The following ANTXR1 variants were observed in gnomAD, a reference collection of about 807,000 sequenced individuals.
ANTXR1 encodes the protein anthrax toxin receptor 1.
Under a neutral mutation model 78.1 loss-of-function variants are expected in ANTXR1, and 19 were observed. That is an observed-to-expected ratio of 0.24 (90% confidence interval 0.17 to 0.36). The LOEUF is 0.36. ANTXR1 is among the 10% of genes least tolerant of loss of function. The pLI, the probability that ANTXR1 is intolerant of heterozygous loss-of-function variation, is 1.00. For missense variants in ANTXR1, 518 were observed against 718.6 expected (o/e 0.72, Z 3.19); for synonymous variants, 273 against 260.5 (o/e 1.05, Z -0.46).
chr2:69,090,513 A>G, intron 8 of ANTXR1: 1 of 358,116 alleles, frequency 2.8e-6, no homozygotes, highest in East Asian at 6.6e-5. Flanking sequence ...AGGAGTGGCC[A>G]TTGGCATTTA....
At chr2:69,134,933 AT>A (rs528470440) in intron 12 of ANTXR1, 113 of 307,702 alleles carry the variant, frequency 3.7e-4, no homozygotes, top group South Asian at 8.0e-4. Context: ...AACTCAAGGT[AT>A]TTTTTTTACA....
intron 17 of ANTXR1, among the ~76,000 whole-genome samples, chr2:69,210,900 C>T (rs1267134406): frequency 1.4e-5 from 2 of 144,720 alleles, no homozygotes; most frequent in Non-Finnish European, 3.0e-5. Flanking sequence ...CGTGCCACTG[C>T]ACTCCAGCCT....
intron 12 of ANTXR1, among the ~76,000 whole-genome samples, chr2:69,131,547 T>A (rs1387902514): frequency 6.6e-6 from 1 of 152,242 alleles, no homozygotes; most frequent in Non-Finnish European, 1.5e-5. Flanking sequence ...AGAGCGGTTG[T>A]CTCTCAGGCA....
At position 69,152,231 on chromosome 2, in the gene ANTXR1, C is replaced by T. The variant is rs1673417737; in HGVS notation, c.1014C>T (p.Leu338=). Residue 338 remains leucine (L), a synonymous_variant, in exon 13 of 18, where the codon CTC becomes CTT. Transcript: ENST00000303714. ...TGTTCCTGCTCCTAGCCCTGGCTCT[C>T]CTCTGGTGGTTCTGGCCCCTCTGCT... ...LILFLLLALA[L]LWWFWPLCCT... is the part of the protein sequence containing the mutation. The T allele has an allele frequency of 1.2e-6, 2 of 1,614,202 alleles. No homozygotes were observed. Among genetic ancestry groups the T allele is most frequent in the Non-Finnish European group, 1.7e-6 (2 of 1,180,030 alleles).
intron 17 of ANTXR1, among the ~76,000 whole-genome samples, chr2:69,228,736 A>G (rs1181862078): frequency 6.6e-6 from 1 of 152,192 alleles, no homozygotes; most frequent in Non-Finnish European, 1.5e-5. Flanking sequence ...ATGAATACAT[A>G]TGAGTAGGGG....
At chr2:69,044,533 A>C (rs1669705025) in intron 2 of ANTXR1, among the ~76,000 whole-genome samples, 1 of 152,148 alleles carries the variant, frequency 6.6e-6, no homozygotes, top group Non-Finnish European at 1.5e-5. Flanking sequence ...CAGCCTCAGG[A>C]AGATCCAGTG....
intron 3 of ANTXR1, 112 bp downstream of exon 3, chr2:69,044,925 C>T: frequency 1.9e-6 from 2 of 1,050,412 alleles, no homozygotes; most frequent in Non-Finnish European, 1.5e-6. Context: ...TCTAATAGTT[C>T]CTTCTTTTAC....
intron 12 of ANTXR1, among the ~76,000 whole-genome samples, chr2:69,146,813 G>C (rs775590025): frequency 1.3e-5 from 2 of 152,258 alleles, no homozygotes; most frequent in South Asian, 4.1e-4. Flanking sequence ...GGCCCAGATG[G>C]TCCCACTTAG....
At chr2:69,205,056 T>C (rs186972463) in intron 17 of ANTXR1, among the ~76,000 whole-genome samples, 1 of 152,304 alleles carries the variant, frequency 6.6e-6, no homozygotes, top group East Asian at 1.9e-4. Flanking sequence ...ATCCCTGCCC[T>C]TGTGGAGTGT....
chr2:69,192,906 A>G (rs1674574175), intron 16 of ANTXR1, among the ~76,000 whole-genome samples: 1 of 151,544 alleles, frequency 6.6e-6, no homozygotes, highest in Non-Finnish European at 1.5e-5. Context: ...GTCAACACTT[A>G]ACGTTTAGTA....
chr2:69,155,374 C>G (rs1024724363), intron 13 of ANTXR1, among the ~76,000 whole-genome samples: 2 of 152,118 alleles, frequency 1.3e-5, no homozygotes, highest in Admixed American at 1.3e-4. Context: ...ACTATGCACA[C>G]TGGGCTTATT....
intron 16 of ANTXR1, among the ~76,000 whole-genome samples, chr2:69,185,087 AG>A (rs1184772284): frequency 6.6e-6 from 1 of 152,198 alleles, no homozygotes; most frequent in African/African-American, 2.4e-5. Flanking sequence ...TAGTCTCTGT[AG>A]TAAAGCACTG....
At chr2:69,034,968 C>CCA (rs1671637522) in intron 1 of ANTXR1, among the ~76,000 whole-genome samples, 1 of 152,186 alleles carries the variant, frequency 6.6e-6, no homozygotes, top group African/African-American at 2.4e-5. Flanking sequence ...CCACTTAGGT[C>CCA]TTCAGGATTG....
intron 8 of ANTXR1, among the ~76,000 whole-genome samples, chr2:69,078,721 A>C (rs923744877): frequency 5.9e-5 from 9 of 152,202 alleles, no homozygotes; most frequent in Non-Finnish European, 1.5e-5. Context: ...ACTGGTGAAA[A>C]TGCCTAATAC....
At chr2:69,145,328 C>T (rs1434504016) in intron 12 of ANTXR1, 2 of 1,593,634 alleles carry the variant, frequency 1.3e-6, no homozygotes, top group African/African-American at 1.3e-5. Flanking sequence ...TCTTAAAGAG[C>T]CTCCACAAAA....
At chr2:69,133,459 G>T (rs1672817745) in intron 12 of ANTXR1, among the ~76,000 whole-genome samples, 1 of 152,206 alleles carries the variant, frequency 6.6e-6, no homozygotes, top group Non-Finnish European at 1.5e-5. Flanking sequence ...CTGGAAGGGA[G>T]ATTGGAGACT....
At chr2:69,218,374 G>A (rs1352137654) in intron 17 of ANTXR1, among the ~76,000 whole-genome samples, 2 of 152,146 alleles carry the variant, frequency 1.3e-5, no homozygotes, top group Non-Finnish European at 2.9e-5. Flanking sequence ...GGGGGGGATG[G>A]GTATCCCTTT....
At chr2:69,072,941 A>C in intron 5 of ANTXR1, 81 bp from the exon 6 acceptor site, 8 of 1,387,652 alleles carry the variant, frequency 5.8e-6, no homozygotes, top group East Asian at 2.3e-5. Flanking sequence ...TGAACTCGTA[A>C]GAGGTTGAAT....
intron 3 of ANTXR1, among the ~76,000 whole-genome samples, chr2:69,069,598 T>A (rs1416658371): frequency 6.6e-6 from 1 of 152,114 alleles, no homozygotes; most frequent in Non-Finnish European, 1.5e-5. Context: ...CTTTTTTGAG[T>A]CAGGTAGATT....
Sources: gnomAD v4.1 joint callset for allele counts (sites outside exome capture counted in the v4.1 genomes callset) on GRCh38, gnomAD v4.1.1 for gene constraint, MANE v1.5 for transcripts, NCBI Gene and HGNC (gene_info 2026-07-23, HGNC 2026-07-21) for gene names.